The following LTBP1 variants were observed in gnomAD, a reference collection of about 807,000 sequenced individuals.
LTBP1 encodes latent-transforming growth factor beta-binding protein 1.
In LTBP1, 129 loss-of-function variants were observed where a neutral mutation model predicts 207.6. The ratio of observed to expected loss-of-function variants is 0.62; its 90% CI spans 0.54 to 0.72. LTBP1 has a LOEUF of 0.72. Ranked by LOEUF, LTBP1 falls within the 30% of genes least tolerant of loss-of-function variation. The probability of loss-of-function intolerance (pLI) is 0.00; values close to 1 mark genes in which losing one functional copy is unlikely to be tolerated. For missense variants in LTBP1, 2,281 were observed against 2,217.2 expected (o/e 1.03, Z -0.58); for synonymous variants, 963 against 833.7 (o/e 1.16, Z -2.67).
chr2:33,034,432 T>G (rs2149346266), intron 3 of LTBP1, among the ~76,000 whole-genome samples: 1 of 152,302 alleles, frequency 6.6e-6, no homozygotes, highest in South Asian at 2.1e-4. Flanking sequence ...GTAGTGTGAA[T>G]GTATATCAAC....
chr2:33,268,927 TTAA>T (rs2093250836), intron 15 of LTBP1, among the ~76,000 whole-genome samples: 1 of 152,124 alleles, frequency 6.6e-6, no homozygotes, highest in Non-Finnish European at 1.5e-5. Context: ...GCCCAGACAT[TTAA>T]AAAAACTATT....
At chr2:33,303,934 G>A (rs551984708) in intron 22 of LTBP1, among the ~76,000 whole-genome samples, 1 of 152,294 alleles carries the variant, frequency 6.6e-6, no homozygotes, top group South Asian at 2.1e-4. Flanking sequence ...CTGATTCCTG[G>A]CCAAGCCAAG....
chr2:33,198,358 T>C (rs1393731290), intron 7 of LTBP1, among the ~76,000 whole-genome samples: 1 of 152,228 alleles, frequency 6.6e-6, no homozygotes, highest in African/African-American at 2.4e-5. Flanking sequence ...TCTAAAATTC[T>C]CTTTTTTGGT....
At chr2:33,186,798 C>T in intron 5 of LTBP1, 58 bp from the exon 6 acceptor site, 3 of 1,348,102 alleles carry the variant, frequency 2.2e-6, no homozygotes, top group Non-Finnish European at 3.2e-6. Context: ...GTTGGTTGAT[C>T]ATTACTTAGC....
At chr2:33,065,662 T>C (rs1010447187) in intron 3 of LTBP1, among the ~76,000 whole-genome samples, 1 of 152,178 alleles carries the variant, frequency 6.6e-6, no homozygotes, top group African/African-American at 2.4e-5. Context: ...CCATATATGT[T>C]GATGAGGAAT....
Position 32,972,541 on chromosome 2 carries a change from C to T in LTBP1, c.565+23596C>T, listed in dbSNP as rs557019379. 1.5e-3 allele frequency among the ~76,000 whole-genome samples: 232 copies of T among 152,148 alleles called. 3 individuals carry two copies. The South Asian group carries it at 0.029, about 19-fold the overall frequency. ...ATTTCATGTTTATCCAGAAGTCATT[C>T]AGGAGCAGGTTATTTAATTTTTATG... On this transcript the variant is annotated intron_variant, in intron 2 of 33. Coordinates refer to ENST00000404816, the MANE Select transcript of LTBP1 (RefSeq NM_206943.4).
chr2:33,212,818 G>A (rs115436349), intron 7 of LTBP1, among the ~76,000 whole-genome samples: 147 of 152,282 alleles, frequency 9.7e-4, no homozygotes, highest in African/African-American at 3.4e-3. Context: ...GGAAATGCTC[G>A]TTGGAACAAT....
chr2:32,951,377 C>T (rs951544854), intron 2 of LTBP1, among the ~76,000 whole-genome samples: 1 of 152,284 alleles, frequency 6.6e-6, no homozygotes, highest in South Asian at 2.1e-4. Context: ...AGCGTGCGAT[C>T]CAAAATAATG....
intron 25 of LTBP1, among the ~76,000 whole-genome samples, chr2:33,346,421 C>T (rs529423501): frequency 2.0e-5 from 3 of 152,254 alleles, no homozygotes; most frequent in South Asian, 2.1e-4. Flanking sequence ...TGGTGGCTCA[C>T]GTCTGTAATC....
intron 20 of LTBP1, among the ~76,000 whole-genome samples, chr2:33,296,567 A>G (rs17012778): frequency 0.11 from 17,444 of 152,106 alleles, 1,182 homozygotes; most frequent in Middle Eastern, 0.18. Context: ...GGGATGCTCA[A>G]AGTAGCACAT....
intron 4 of LTBP1, among the ~76,000 whole-genome samples, chr2:33,121,992 T>C (rs2081149487): frequency 6.6e-6 from 1 of 152,152 alleles, no homozygotes; most frequent in African/African-American, 2.4e-5. Flanking sequence ...AATCGTATAA[T>C]ATATGCATAG....
chr2:33,223,977 T>A (rs1362383494), intron 9 of LTBP1, among the ~76,000 whole-genome samples: 1 of 152,130 alleles, frequency 6.6e-6, no homozygotes, highest in Non-Finnish European at 1.5e-5. Context: ...AAACTCGGTG[T>A]CGAGGGGCTA....
intron 2 of LTBP1, among the ~76,000 whole-genome samples, chr2:33,016,792 G>A (rs1489038597): frequency 6.6e-6 from 1 of 152,240 alleles, no homozygotes; most frequent in Non-Finnish European, 1.5e-5. Flanking sequence ...GGAGGCTGAA[G>A]TGGGTGGATC....
At chr2:33,286,232 C>T (rs969350482) in intron 19 of LTBP1, among the ~76,000 whole-genome samples, 31 of 152,316 alleles carry the variant, frequency 2.0e-4, no homozygotes, top group African/African-American at 7.5e-4. Flanking sequence ...CATTTAAACT[C>T]TGTGAATGTA....
chr2:33,395,637 G>C (rs1171935268), intron 32 of LTBP1, among the ~76,000 whole-genome samples: 1 of 151,856 alleles, frequency 6.6e-6, no homozygotes, highest in Non-Finnish European at 1.5e-5. Flanking sequence ...GTTGACCTCA[G>C]GCACTTTAGT....
intron 2 of LTBP1, among the ~76,000 whole-genome samples, chr2:33,002,534 G>A (rs1686184564): frequency 6.6e-6 from 1 of 152,158 alleles, no homozygotes; most frequent in South Asian, 2.1e-4. Flanking sequence ...CAGTGCTCTT[G>A]TGGGTGGATT....
At chr2:33,318,078 G>T (rs572936598) in intron 24 of LTBP1, 4 of 152,256 alleles carry the variant, frequency 2.6e-5, no homozygotes, top group African/African-American at 9.6e-5. Context: ...GCAGATTTTA[G>T]ATTTTTGGAT....
intron 2 of LTBP1, among the ~76,000 whole-genome samples, chr2:33,007,047 T>C (rs1031915870): frequency 6.6e-6 from 1 of 152,206 alleles, no homozygotes; most frequent in Admixed American, 6.5e-5. Flanking sequence ...ACGATGATAC[T>C]TGGGCATCAG....
chr2:33,103,057 A>G (rs945364199), intron 3 of LTBP1, among the ~76,000 whole-genome samples: 11 of 150,968 alleles, frequency 7.3e-5, no homozygotes, highest in Admixed American at 5.9e-4. Flanking sequence ...TGTTGTATGC[A>G]CTGTCTGTAT....
Sources: allele counts gnomAD v4.1 joint callset (sites outside exome capture counted in the v4.1 genomes callset), GRCh38; gene constraint gnomAD v4.1.1; transcripts MANE v1.5; gene names NCBI Gene and HGNC (gene_info 2026-07-23, HGNC 2026-07-21).